LHFPL6: variants seen among roughly 807,000 people sequenced by gnomAD.
The protein encoded by LHFPL6 is LHFPL tetraspan subfamily member 6 protein.
A neutral mutation model predicts 20.6 loss-of-function variants in LHFPL6; 9 were observed. The ratio of observed to expected loss-of-function variants is 0.44; its 90% confidence interval spans 0.26 to 0.76. The LOEUF (loss-of-function observed/expected upper bound fraction) is 0.76, where lower values mean the gene tolerates loss of function less well. Ranked by LOEUF, LHFPL6 falls within the 30% of genes least tolerant of loss-of-function variation. The pLI is 0.20. For missense variants in LHFPL6, 218 were observed against 253.5 expected (o/e 0.86, Z 0.95); for synonymous variants, 105 against 98.7 (o/e 1.06, Z -0.38).
intron 2 of LHFPL6, among the ~76,000 whole-genome samples, chr13:39,493,385 G>C (rs970031892): frequency 6.6e-6 from 1 of 151,352 alleles, no homozygotes; most frequent in African/African-American, 2.4e-5. Context: ...AGCATTATTC[G>C]TAATACAGTA....
At chr13:39,438,153 C>T (rs1275470015) in intron 2 of LHFPL6, among the ~76,000 whole-genome samples, 12 of 152,242 alleles carry the variant, frequency 7.9e-5, no homozygotes. Context: ...GAAATCAGGA[C>T]AGGAACTTAT....
chr13:39,550,055 G>GA (rs1486224283), intron 2 of LHFPL6, among the ~76,000 whole-genome samples: 1 of 151,852 alleles, frequency 6.6e-6, no homozygotes, highest in Non-Finnish European at 1.5e-5. Context: ...CTCAAATTGT[G>GA]AAAAAAACTG....
intron 3 of LHFPL6, among the ~76,000 whole-genome samples, chr13:39,346,152 G>T (rs1869394755): frequency 6.6e-6 from 1 of 152,168 alleles, no homozygotes; most frequent in Non-Finnish European, 1.5e-5. Flanking sequence ...GTTAGCATGT[G>T]CCCCAGGCGC....
intron 2 of LHFPL6, among the ~76,000 whole-genome samples, chr13:39,402,158 A>G (rs1156708470): frequency 6.6e-6 from 1 of 152,196 alleles, no homozygotes; most frequent in African/African-American, 2.4e-5. Flanking sequence ...AATATTTTTG[A>G]TATACTTATT....
At chr13:39,467,882 G>C (rs2138434260) in intron 2 of LHFPL6, among the ~76,000 whole-genome samples, 1 of 152,236 alleles carries the variant, frequency 6.6e-6, no homozygotes, top group South Asian at 2.1e-4. Context: ...TAAGCATCTG[G>C]ACCCCATTGG....
chr13:39,575,757 C>T (rs576810155), intron 2 of LHFPL6, among the ~76,000 whole-genome samples: 121 of 152,270 alleles, frequency 7.9e-4, no homozygotes, highest in Middle Eastern at 3.4e-3. Flanking sequence ...GGGTCCGGTT[C>T]GCTTCTGCCC....
intron 2 of LHFPL6, among the ~76,000 whole-genome samples, chr13:39,519,667 GTAA>G (rs1292869468): frequency 6.6e-6 from 1 of 152,132 alleles, no homozygotes; most frequent in Non-Finnish European, 1.5e-5. Context: ...CAAGAAATAT[GTAA>G]TCCAGGCCGA....
chr13:39,572,154 C>T (rs1247105439), intron 2 of LHFPL6, among the ~76,000 whole-genome samples: 1 of 152,110 alleles, frequency 6.6e-6, no homozygotes, highest in South Asian at 2.1e-4. Context: ...CAGATAGCAA[C>T]GTAGTAAGCT....
chr13:39,576,113 G>C (rs1331967678), intron 2 of LHFPL6, among the ~76,000 whole-genome samples: 1 of 152,134 alleles, frequency 6.6e-6, no homozygotes, highest in African/African-American at 2.4e-5. Context: ...TGGCTCTTTG[G>C]CAATTCCATT....
chr13:39,409,534 A>C (rs9315681), intron 2 of LHFPL6, among the ~76,000 whole-genome samples: 41,773 of 152,032 alleles, frequency 0.27, 6,073 homozygotes, highest in East Asian at 0.39. Flanking sequence ...GATAGGCATT[A>C]TTTGTTGTCA....
intron 2 of LHFPL6, among the ~76,000 whole-genome samples, chr13:39,471,915 A>C (rs1872958490): frequency 6.6e-6 from 1 of 152,208 alleles, no homozygotes; most frequent in Non-Finnish European, 1.5e-5. Context: ...TTTTTCAACA[A>C]CTAATCACCA....
chr13:39,396,092 C>T (rs149988923), intron 2 of LHFPL6, among the ~76,000 whole-genome samples: 1 of 151,840 alleles, frequency 6.6e-6, no homozygotes, highest in African/African-American at 2.4e-5. Flanking sequence ...CTGCTGTGAC[C>T]CTTGAACCTC....
chr13:39,538,534 T>C (rs749775590), intron 2 of LHFPL6, among the ~76,000 whole-genome samples: 14 of 149,780 alleles, frequency 9.3e-5, no homozygotes, highest in Non-Finnish European at 2.1e-4. Flanking sequence ...ACATATTCTA[T>C]GGGACAAATG....
chr13:39,586,716 C>T (rs985261859), intron 2 of LHFPL6, among the ~76,000 whole-genome samples: 2 of 152,208 alleles, frequency 1.3e-5, no homozygotes, highest in Admixed American at 1.3e-4. Context: ...CTCACCATCG[C>T]TGGCCAACAT....
chr13:39,570,967 T>A (rs1871894824), intron 2 of LHFPL6, among the ~76,000 whole-genome samples: 3 of 152,222 alleles, frequency 2.0e-5, no homozygotes, highest in Non-Finnish European at 4.4e-5. Context: ...TAAGCGAGAA[T>A]CCTTAATTTC....
At chr13:39,541,382 G>A (rs1870793069) in intron 2 of LHFPL6, among the ~76,000 whole-genome samples, 1 of 152,186 alleles carries the variant, frequency 6.6e-6, no homozygotes, top group African/African-American at 2.4e-5. Flanking sequence ...CCATCCTAGT[G>A]TTCAAAGCTC....
At chr13:39,585,286 T>C (rs1405341398) in intron 2 of LHFPL6, among the ~76,000 whole-genome samples, 2 of 152,190 alleles carry the variant, frequency 1.3e-5, no homozygotes, top group Non-Finnish European at 2.9e-5. Flanking sequence ...TATCACAGAA[T>C]CATAACATTT....
chr13:39,600,638 A>T (rs965933629), intron 2 of LHFPL6, among the ~76,000 whole-genome samples, 194 bp downstream of exon 2: 2 of 152,242 alleles, frequency 1.3e-5, no homozygotes, highest in Admixed American at 6.5e-5. Flanking sequence ...AGAAATTAAG[A>T]ACTCTTGAAG....
chr13:39,597,168 T>C (rs1020102794), intron 2 of LHFPL6, among the ~76,000 whole-genome samples: 25 of 152,204 alleles, frequency 1.6e-4, no homozygotes, highest in African/African-American at 6.0e-4. Flanking sequence ...CATATGTATA[T>C]ATGACTAACG....
Sources: gnomAD v4.1 joint callset for allele counts (sites outside exome capture counted in the v4.1 genomes callset) on GRCh38, gnomAD v4.1.1 for gene constraint, MANE v1.5 for transcripts, NCBI Gene and HGNC (gene_info 2026-07-23, HGNC 2026-07-21) for gene names.